DNMBP: variants seen among roughly 807,000 people sequenced by gnomAD.
DNMBP encodes dynamin binding protein.
DNMBP carries 87 observed loss-of-function variants against 150.0 expected under a neutral mutation model. That is an observed-to-expected ratio of 0.58 (90% CI 0.49 to 0.69). DNMBP has a LOEUF of 0.69. Ranked by LOEUF, DNMBP falls within the 30% of genes least tolerant of loss-of-function variation. DNMBP has a pLI of 0.00. For synonymous variants in DNMBP, 711 were observed against 750.4 expected (o/e 0.95, Z 0.86); for missense variants, 1,774 against 1,949.0 (o/e 0.91, Z 1.69).
chr10:99,985,615 GGAATGA>G (rs746976224), intron 1 of DNMBP, among the ~76,000 whole-genome samples: 7 of 152,016 alleles, frequency 4.6e-5, no homozygotes, highest in Non-Finnish European at 1.0e-4. Context: ...TTACCTTTTG[GGAATGA>G]GAATCCATTT....
intron 4 of DNMBP, among the ~76,000 whole-genome samples, chr10:99,923,925 G>A (rs1421071881): frequency 1.3e-5 from 2 of 152,194 alleles, no homozygotes; most frequent in Admixed American, 1.3e-4. Flanking sequence ...GGCCGAGATG[G>A]GTGGATCACC....
intron 1 of DNMBP, among the ~76,000 whole-genome samples, chr10:99,994,650 A>G (rs1316073086): frequency 2.6e-5 from 4 of 152,222 alleles, no homozygotes; most frequent in Non-Finnish European, 5.9e-5. Context: ...TATAAATGAG[A>G]TCCCTGCATA....
At chr10:99,980,637 T>C (rs1209565644) in intron 1 of DNMBP, among the ~76,000 whole-genome samples, 1 of 148,846 alleles carries the variant, frequency 6.7e-6, no homozygotes, top group Non-Finnish European at 1.5e-5. Flanking sequence ...TACAAAAAAT[T>C]AGAATTAAAA....
intron 4 of DNMBP, among the ~76,000 whole-genome samples, chr10:99,932,978 G>A (rs537610122): frequency 8.0e-5 from 12 of 150,766 alleles, no homozygotes; most frequent in South Asian, 2.1e-4. Context: ...AGAGACTTAC[G>A]GTTCAGTAAC....
At chr10:99,929,261 C>A (rs752115785) in intron 4 of DNMBP, among the ~76,000 whole-genome samples, 1 of 149,124 alleles carries the variant, frequency 6.7e-6, no homozygotes, top group South Asian at 2.1e-4. Context: ...TAGCTTGATG[C>A]CCTGATAATA....
chr10:99,987,450 G>A (rs968358556), intron 1 of DNMBP, among the ~76,000 whole-genome samples: 4 of 152,090 alleles, frequency 2.6e-5, no homozygotes, highest in African/African-American at 9.7e-5. Flanking sequence ...GGATAAGGGA[G>A]AGGCTGGGTG....
chr10:99,965,694 A>G (rs1288171969), intron 3 of DNMBP, among the ~76,000 whole-genome samples: 2 of 152,044 alleles, frequency 1.3e-5, no homozygotes, highest in South Asian at 4.1e-4. Context: ...ATGGGGTTTC[A>G]CCATGTTGGC....
rs2039652753 is a variant in DNMBP, at chr10:99,896,337, A to G, written c.2981T>C (p.Ile994Thr). 6.2e-7 allele frequency: 1 copy of G among 1,614,070 alleles called. No homozygotes were observed. Reference protein sequence around the residue: ...SLMEKISKLNIHSIIKKSNRV... With the variant: ...SLMEKISKLNTHSIIKKSNRV... ...GTTGGATTTCTTGATGATGGAGTGG[A>G]TGTTCAGTTTGGAAATTTTCTCCAT... is the stretch of plus-strand genomic sequence containing the variant. The change falls in exon 10 of 17, where the codon ATC becomes ACC. Residue 994 changes from isoleucine to threonine, a missense_variant. Coordinates refer to ENST00000324109, the MANE Select transcript of DNMBP (RefSeq NM_015221.4).
chr10:99,902,702 C>T (rs554429651), intron 6 of DNMBP, among the ~76,000 whole-genome samples: 4 of 149,696 alleles, frequency 2.7e-5, no homozygotes, highest in East Asian at 2.0e-4. Flanking sequence ...CCAAGGTGGG[C>T]GGATCCCCTG....
chr10:99,894,449 C>T (rs2039621773), intron 11 of DNMBP, among the ~76,000 whole-genome samples: 1 of 152,162 alleles, frequency 6.6e-6, no homozygotes, highest in Admixed American at 6.5e-5. Flanking sequence ...CTCTAGATCT[C>T]AAAGCTGTTT....
At position 99,936,017 on chromosome 10, in the gene DNMBP, A is replaced by G. The variant is rs2997980; in HGVS notation, c.2260+19197T>C. On this transcript the variant is annotated intron_variant, in intron 4 of 16. Transcript: ENST00000324109. ...TACCTAGGCCAGGTGCATTCCTTGA[A>G]CACCTCTGACTTGGGTACTGAGTGA... 3.1e-4 allele frequency among the ~76,000 whole-genome samples: 47 copies of G among 152,288 alleles called. No homozygotes were observed. The South Asian group carries it at 8.9e-3, about 29-fold the overall frequency.
intron 3 of DNMBP, among the ~76,000 whole-genome samples, chr10:99,962,595 C>A (rs61873784): frequency 0.044 from 6,722 of 152,134 alleles, 166 homozygotes; most frequent in South Asian, 0.087. Flanking sequence ...TGTGCCACTG[C>A]ACTCCAGCCT....
intron 4 of DNMBP, among the ~76,000 whole-genome samples, chr10:99,933,264 C>T (rs1278589445): frequency 6.6e-6 from 1 of 151,000 alleles, no homozygotes; most frequent in African/African-American, 2.4e-5. Context: ...CCACTGCCCT[C>T]CAGCCTGGGT....
Position 99,957,197 on chromosome 10 carries a change from C to CCTAAAGAAAAGAGGTG in DNMBP, c.276_277insCACCTCTTTTCTTTAG (p.Val93HisfsTer75), listed in dbSNP as rs753955196. 6.2e-7 allele frequency: 1 copy of CCTAAAGAAAAGAGGTG among 1,601,366 alleles called. No homozygotes were observed. On this transcript the variant is annotated frameshift_variant, in exon 4 of 17. Transcript: ENST00000324109. LOFTEE classifies it high-confidence loss of function. The stretch of plus-strand genomic sequence containing the variant: ...GCAGTGGGAATGCCATCGAGAATCA[C>CCTAAAGAAAAGAGGTG]CAGGTCACCTAAAGAAAAGAGGAGC...
At chr10:99,933,258 T>C (rs534961677) in intron 4 of DNMBP, among the ~76,000 whole-genome samples, 186 of 151,454 alleles carry the variant, frequency 1.2e-3, no homozygotes, top group Middle Eastern at 0.01. Context: ...ATTGAGCCAC[T>C]GCCCTCCAGC....
At chr10:99,918,597 C>T (rs1230373684) in intron 4 of DNMBP, among the ~76,000 whole-genome samples, 3 of 78,788 alleles carry the variant, frequency 3.8e-5, no homozygotes, top group Admixed American at 1.4e-4. Flanking sequence ...GAAAAGGAGT[C>T]TCACTGTCGC....
At chr10:99,914,200 GC>G in intron 4 of DNMBP, 1 of 1,054,710 alleles carries the variant, frequency 9.5e-7, no homozygotes, top group Non-Finnish European at 1.2e-6. Context: ...GCACCAGCGG[GC>G]CCAGCAGTAC....
In DNMBP at chr10:99,977,569, TCATTCTG is replaced by T. The variant is rs2040740882; in HGVS notation, c.-10-5442_-10-5436del. Among the ~76,000 whole-genome samples, 4 of 152,268 alleles carry T rather than the reference TCATTCTG, an allele frequency of 2.6e-5. No homozygotes were observed. The South Asian group carries it at 8.3e-4, about 32-fold the overall frequency. On this transcript the variant is annotated intron_variant, in intron 1 of 16. Coordinates refer to ENST00000324109, the MANE Select transcript of DNMBP (RefSeq NM_015221.4). ...CGCCTATCTTTCCACCTTTAGGGAG[TCATTCTG>T]CATTTGAAATATAGATATATTTGGA...
intron 1 of DNMBP, among the ~76,000 whole-genome samples, chr10:100,006,189 G>A (rs1459066348): frequency 6.6e-6 from 1 of 152,194 alleles, no homozygotes; most frequent in Non-Finnish European, 1.5e-5. Context: ...ACGAAACAGT[G>A]TTTTTGTTCT....
Sources: gnomAD v4.1 joint callset for allele counts (sites outside exome capture counted in the v4.1 genomes callset) on GRCh38, gnomAD v4.1.1 for gene constraint, MANE v1.5 for transcripts, NCBI Gene and HGNC (gene_info 2026-07-23, HGNC 2026-07-21) for gene names.